COL16A1: variants seen among roughly 807,000 people sequenced by gnomAD.
COL16A1 encodes the protein collagen type XVI alpha 1 chain, also known as collagen alpha-1(XVI) chain.
Under a neutral mutation model 266.3 loss-of-function variants are expected in COL16A1, and 189 were observed. That is an observed-to-expected ratio of 0.71 (90% CI 0.63 to 0.80). The LOEUF (loss-of-function observed/expected upper bound fraction) is 0.80, where lower values mean the gene tolerates loss of function less well. Ranked by LOEUF, COL16A1 falls within the 30% of genes least tolerant of loss-of-function variation. The pLI is 0.00. For synonymous variants in COL16A1, 740 were observed against 782.3 expected, an observed-to-expected ratio of 0.95 and a Z score of 0.90; for missense variants, 1,928 against 2,122.4, an observed-to-expected ratio of 0.91 and a Z score of 1.80.
chr1:31,674,764 G>A lies in COL16A1; in HGVS notation c.2859+243C>T, dbSNP rs76650904. ...GCAGGCTTCAGGGCTGGGTTCTGCCGACAGCATCTGCCATGTGGGCACCTT... is the reference window on the plus strand; with the variant it reads ...GCAGGCTTCAGGGCTGGGTTCTGCCAACAGCATCTGCCATGTGGGCACCTT... On this transcript the variant is annotated intron_variant, in intron 44 of 70. Coordinates refer to ENST00000373672, the MANE Select transcript of COL16A1 (RefSeq NM_001856.4). Among the ~76,000 whole-genome samples the A allele has an allele frequency of 5.0e-3, 757 of 152,296 alleles. 4 individuals are homozygous for A. Among genetic ancestry groups the A allele is most frequent in the African/African-American group, 0.016 (677 of 41,558 alleles).
chr1:31,700,321 G>A (rs1292871602), intron 2 of COL16A1, among the ~76,000 whole-genome samples: 1 of 152,232 alleles, frequency 6.6e-6, no homozygotes, highest in Non-Finnish European at 1.5e-5. Flanking sequence ...GGAAGACTGA[G>A]GTCCAGAGAC....
Position 31,666,025 on chromosome 1 carries a change from T to TC in COL16A1, c.3402+11dup. The stretch of plus-strand genomic sequence containing the variant: ...ACCAGGACCACATCTCCCCATGCCC[T>TC]CCTTCACTCACCGCTGGGCCTGGGG... On this transcript the variant is annotated intron_variant, in intron 53 of 70. Coordinates refer to ENST00000373672, the MANE Select transcript of COL16A1 (RefSeq NM_001856.4). 6.2e-7 allele frequency: 1 copy of TC among 1,613,984 alleles called. No individual in the cohort carries two copies. Among genetic ancestry groups the TC allele is most frequent in the Non-Finnish European group, 8.5e-7 (1 of 1,179,962 alleles).
At chr1:31,659,019 G>T in intron 62 of COL16A1, 55 bp from the exon 63 acceptor site, 2 of 1,470,680 alleles carry the variant, frequency 1.4e-6, no homozygotes, top group Non-Finnish European at 1.9e-6. Flanking sequence ...AAGACCCCTG[G>T]GAGGCACAGG....
In COL16A1 at chr1:31,656,058, G is replaced by A; in HGVS notation, c.4101+342C>T. On this transcript the variant is annotated intron_variant, in intron 66 of 70. Coordinates refer to ENST00000373672, the MANE Select transcript of COL16A1 (RefSeq NM_001856.4). The surrounding 1 kb of genome is among the most constrained non-coding windows in gnomAD (Gnocchi z 4.2). ...CCAATCCCTAGTGTAAGTGTGACTG[G>A]TCTATTGTGAGCACCTATTGTTCAG... 2.6e-6 allele frequency: 1 copy of A among 391,408 alleles called. No homozygotes were observed. The highest frequency in any genetic ancestry group is 4.7e-6 in the Non-Finnish European group (1 of 213,528). 24.2% of individuals were successfully genotyped at this position (391,408 alleles called of 1,614,324 possible).
Position 31,697,061 on chromosome 1 carries a change from G to A in COL16A1, c.766C>T (p.Arg256Trp), listed in dbSNP as rs774557086. 12 of 1,614,024 alleles carry A rather than the reference G, an allele frequency of 7.4e-6. No individual in the cohort carries two copies. The highest frequency in any genetic ancestry group is 5.5e-5 in the South Asian group (5 of 91,072). ...ATGAGCTCATTGCTCTGGGTGTCCCGGCGGGCCTTGGAGGTCTCTGGGGGG... is the reference window on the plus strand; with the variant it reads ...ATGAGCTCATTGCTCTGGGTGTCCCAGCGGGCCTTGGAGGTCTCTGGGGGG... ...GCPPETSKAR[R>W]DTQSNELIEI... Residue 256 changes from arginine (R) to tryptophan (W), a missense_variant, in exon 8 of 71, where the codon CGG (arginine) becomes TGG (tryptophan). Coordinates refer to ENST00000373672, the MANE Select transcript of COL16A1 (RefSeq NM_001856.4). The surrounding 1 kb of genome is among the most constrained non-coding windows in gnomAD (Gnocchi z 4.2).
chr1:31,684,399 C>G, intron 31 of COL16A1, 124 bp downstream of exon 31: 1 of 1,503,406 alleles, frequency 6.7e-7, no homozygotes, highest in East Asian at 2.3e-5. Flanking sequence ...CGAGGAGCCT[C>G]CGCTCAGTGA....
intron 20 of COL16A1, 95 bp downstream of exon 20, chr1:31,691,093 A>G: frequency 6.5e-7 from 1 of 1,534,570 alleles, no homozygotes; most frequent in Non-Finnish European, 8.8e-7. Flanking sequence ...CCTCCCTGGG[A>G]CTTGCTTCCC....
chr1:31,653,648 C>CAATA lies in COL16A1; in HGVS notation c.4562_4563insTATT (p.Asp1522IlefsTer59). ...CTCCTGCAATGCCAATACCAATGTCCCCTTTTTCACCTTTGGTACCAGGCA... is the reference window on the plus strand; with the variant it reads ...CTCCTGCAATGCCAATACCAATGTCCAATACCTTTTTCACCTTTGGTACCAGGCA... On this transcript the variant is annotated frameshift_variant, in exon 70 of 71. Coordinates refer to ENST00000373672, the MANE Select transcript of COL16A1 (RefSeq NM_001856.4). LOFTEE classifies it high-confidence loss of function. 1 of 1,613,900 alleles carries CAATA rather than the reference C, an allele frequency of 6.2e-7. No individual in the cohort carries two copies. Among genetic ancestry groups the CAATA allele is most frequent in the Non-Finnish European group, 8.5e-7 (1 of 1,179,898 alleles).
intron 31 of COL16A1, 125 bp from the exon 32 acceptor site, chr1:31,684,356 A>G: frequency 6.9e-7 from 1 of 1,451,074 alleles, no homozygotes; most frequent in South Asian, 1.5e-5. Flanking sequence ...AAATCAAAAC[A>G]GGCCCCTGAC....
At position 31,652,738 on chromosome 1, in the gene COL16A1, G is replaced by C. The variant is rs1640734320; in HGVS notation, c.4728C>G (p.Gly1576=). Residue 1576 remains glycine (G), a synonymous_variant, in exon 71 of 71, where the codon GGC becomes GGG. Coordinates refer to ENST00000373672, the MANE Select transcript of COL16A1 (RefSeq NM_001856.4). This position sits in a 1 kb window ranked among gnomAD's most constrained non-coding sequence, Gnocchi z 4.8. ...CAAAGCAGTCAGAGGGATTACAGTG[G>C]CCAGCCTTGCCTGGCTGGCCCATGG... is the stretch of plus-strand genomic sequence containing the variant. ...PGPMGQPGKA[G]HCNPSDCFGA... is the part of the protein sequence containing the mutation. 1 of 1,604,606 alleles carries C rather than the reference G, an allele frequency of 6.2e-7. No individual in the cohort carries two copies. Among genetic ancestry groups the C allele is most frequent in the Non-Finnish European group, 8.5e-7 (1 of 1,177,358 alleles).
intron 8 of COL16A1, 131 bp from the exon 9 acceptor site, chr1:31,696,272 C>A: frequency 1.4e-6 from 1 of 735,214 alleles, no homozygotes; most frequent in East Asian, 2.7e-5. Flanking sequence ...CCTCCTGGGG[C>A]ATCAAGGGCC....
rs748917901 is a variant in COL16A1 at position 31,689,729 on chromosome 1, C to A, written c.1620+12G>T. On this transcript the variant is annotated intron_variant, in intron 23 of 70. Transcript: ENST00000373672. ...TGGGGGAGGTCCCTCAATGGTCACC[C>A]TGGGCACTCACCCTGGCTGGTACAG... is the stretch of plus-strand genomic sequence containing the variant. The A allele has an allele frequency of 3.7e-6, 6 of 1,610,016 alleles. No individual in the cohort carries two copies. The East Asian group carries it at 1.3e-4, about 36-fold the overall frequency.
chr1:31,682,232 C>T (rs923826566), intron 37 of COL16A1, among the ~76,000 whole-genome samples: 2 of 152,080 alleles, frequency 1.3e-5, no homozygotes, highest in African/African-American at 4.8e-5. Flanking sequence ...ATTACTTAAT[C>T]CGTGCAATTT....
chr1:31,675,552 TCAGAGGGAAGGTCAGAAATTGAG>T (rs1167685330), intron 42 of COL16A1, among the ~76,000 whole-genome samples: 1 of 152,190 alleles, frequency 6.6e-6, no homozygotes, highest in African/African-American at 2.4e-5. Flanking sequence ...TCCCCCCACA[TCAGAGGGAAGGTCAGAAATTGAG>T]CAGAGGGTCT....
rs1570493335 is a variant in COL16A1, at chr1:31,681,895, G to C, written c.2539-828C>G. Among the ~76,000 whole-genome samples, 4 of 152,346 alleles carry C rather than the reference G, an allele frequency of 2.6e-5. No individual in the cohort carries two copies. The South Asian group carries it at 8.3e-4, about 32-fold the overall frequency. ...CTCTGAGGGACAATAGAGACCGGCT[G>C]TGTGGGCTTGGGCGAGTCCCTGCCT... On this transcript the variant is annotated intron_variant, in intron 37 of 70. Coordinates refer to ENST00000373672, the MANE Select transcript of COL16A1 (RefSeq NM_001856.4).
In COL16A1 at chr1:31,668,805, C is replaced by A; in HGVS notation, c.3246G>T (p.Glu1082Asp). 1 of 1,613,934 alleles carries A rather than the reference C, an allele frequency of 6.2e-7. No homozygotes were observed. Among genetic ancestry groups the A allele is most frequent in the Non-Finnish European group, 8.5e-7 (1 of 1,179,954 alleles). ...GCCCCTGCCAGCTTCTTCTTACCGG[C>A]TCCCCCTTGTCTCCAGTCAGGCCCG... ...GLTGLTGDKG[E>D]PGPPGQPGYP... Residue 1082 changes from glutamate to aspartate, a missense_variant, in exon 50 of 71, where the codon GAG (glutamate) becomes GAT (aspartate). Coordinates refer to ENST00000373672, the MANE Select transcript of COL16A1 (RefSeq NM_001856.4). The surrounding 1 kb of genome is among the most constrained non-coding windows in gnomAD (Gnocchi z 5.8).
chr1:31,666,603 T>TC (rs556841455), intron 52 of COL16A1, among the ~76,000 whole-genome samples: 119 of 151,802 alleles, frequency 7.8e-4, no homozygotes, highest in African/African-American at 2.7e-3. Context: ...AATGCCCCCT[T>TC]CCCCCCTTCC....
intron 47 of COL16A1, 115 bp from the exon 48 acceptor site, chr1:31,671,774 T>C: frequency 7.7e-7 from 1 of 1,291,382 alleles, no homozygotes; most frequent in Non-Finnish European, 1.1e-6. Flanking sequence ...GGGTGGCTGC[T>C]GTCCAAGCAG....
intron 23 of COL16A1, 133 bp downstream of exon 23, chr1:31,689,608 G>GAT: frequency 1.4e-6 from 1 of 728,422 alleles, no homozygotes. Context: ...TAAGAGCCTA[G>GAT]ACTCTCTGCC....
Sources: allele counts gnomAD v4.1 joint callset (sites outside exome capture counted in the v4.1 genomes callset), GRCh38; gene constraint gnomAD v4.1.1; non-coding constraint Gnocchi (gnomAD v3.1); transcripts MANE v1.5; gene names NCBI Gene and HGNC (gene_info 2026-07-23, HGNC 2026-07-21).